PAPPA2: variants seen among roughly 807,000 people sequenced by gnomAD.
PAPPA2 encodes pappalysin 2.
PAPPA2 carries 86 observed loss-of-function variants against 176.4 expected under a neutral mutation model. The observed-to-expected ratio is 0.49, with a 90% CI of 0.41 to 0.58. PAPPA2 has a LOEUF of 0.58. PAPPA2 is among the 20% of genes least tolerant of loss of function. The probability of loss-of-function intolerance (pLI) is 0.00; values close to 1 mark genes in which losing one functional copy is unlikely to be tolerated. For missense variants in PAPPA2, 2,073 were observed against 2,256.9 expected (o/e 0.92, Z 1.65); for synonymous variants, 809 against 852.2 (o/e 0.95, Z 0.88).
rs138253159 is a variant in PAPPA2, at chr1:176,490,844, G to A, written c.-917+27426G>A. On this transcript the variant is annotated intron_variant, in intron 1 of 22. Coordinates refer to ENST00000367662, the MANE Select transcript of PAPPA2 (RefSeq NM_020318.3). ...GTGGTAGGAGCCCACAGTCTAGCTC[G>A]ATCTCAGGTTCCCAACGCCCCAAAT... Among the ~76,000 whole-genome samples the A allele has an allele frequency of 4.0e-3, 612 of 152,234 alleles. 5 individuals carry two copies. The highest frequency in any genetic ancestry group is 0.014 in the African/African-American group (583 of 41,548).
In PAPPA2 at chr1:176,584,667, T is replaced by G. The variant is rs374766579; in HGVS notation, c.920-9857T>G. ...TTTTGTATATTCTTTATTTCTTACT[T>G]TCTCTCTTTTTGTTTATTTTTTATG... is the stretch of plus-strand genomic sequence containing the variant. On this transcript the variant is annotated intron_variant, in intron 2 of 22. Coordinates refer to ENST00000367662, the MANE Select transcript of PAPPA2 (RefSeq NM_020318.3). Among the ~76,000 whole-genome samples the G allele has an allele frequency of 1.1e-3, 123 of 110,004 alleles. No individual in the cohort carries two copies. In the South Asian group the frequency reaches 0.019, roughly 17 times the overall value. 72.2% of individuals were successfully genotyped at this position (110,004 alleles called of 152,430 possible).
At chr1:176,787,550 T>C (rs781156094) in intron 17 of PAPPA2, among the ~76,000 whole-genome samples, 4 of 152,188 alleles carry the variant, frequency 2.6e-5, no homozygotes, top group Admixed American at 6.5e-5. Context: ...ATTAGATTTC[T>C]ATTGCAAAAT....
At chr1:176,671,722 T>C (rs1659013244) in intron 4 of PAPPA2, among the ~76,000 whole-genome samples, 1 of 152,056 alleles carries the variant, frequency 6.6e-6, no homozygotes. Context: ...CATGGAATAC[T>C]ATGCAGCCAT....
intron 1 of PAPPA2, among the ~76,000 whole-genome samples, chr1:176,463,862 C>T (rs1403756540): frequency 6.6e-6 from 1 of 151,928 alleles, no homozygotes. Flanking sequence ...GCTTGGCTGG[C>T]ATTAAAGGCA....
At chr1:176,493,927 A>T (rs951434309) in intron 1 of PAPPA2, among the ~76,000 whole-genome samples, 2 of 152,180 alleles carry the variant, frequency 1.3e-5, no homozygotes, top group Non-Finnish European at 2.9e-5. Context: ...TTTTTGGATT[A>T]TTGGCCTGGC....
chr1:176,724,279 A>G (rs1366014489), intron 12 of PAPPA2, among the ~76,000 whole-genome samples: 1 of 152,190 alleles, frequency 6.6e-6, no homozygotes, highest in African/African-American at 2.4e-5. Flanking sequence ...TCTAGTTCAC[A>G]GGATTTATTA....
At chr1:176,567,735 A>G (rs985436398) in intron 2 of PAPPA2, among the ~76,000 whole-genome samples, 1 of 152,220 alleles carries the variant, frequency 6.6e-6, no homozygotes, top group Admixed American at 6.5e-5. Context: ...AGATTATTAC[A>G]GCCTGGCTAC....
At chr1:176,739,593 T>C (rs779441571) in intron 12 of PAPPA2, 33 bp from the exon 13 acceptor site, 7 of 1,593,874 alleles carry the variant, frequency 4.4e-6, no homozygotes, top group East Asian at 2.2e-5. Context: ...TCAATGGAAA[T>C]AATGACTTAT....
chr1:176,693,823 G>C (rs1180115103), intron 6 of PAPPA2, among the ~76,000 whole-genome samples: 2 of 152,200 alleles, frequency 1.3e-5, no homozygotes, highest in Non-Finnish European at 2.9e-5. Flanking sequence ...ACCTTGTGCA[G>C]CTTTGGTCGA....
chr1:176,492,111 G>A (rs961507709), intron 1 of PAPPA2, among the ~76,000 whole-genome samples: 1 of 152,274 alleles, frequency 6.6e-6, no homozygotes, highest in African/African-American at 2.4e-5. Context: ...ATTTGCCAAT[G>A]ACAAACATCC....
At chr1:176,747,537 G>C (rs1220673715) in intron 14 of PAPPA2, among the ~76,000 whole-genome samples, 1 of 151,984 alleles carries the variant, frequency 6.6e-6, no homozygotes, top group African/African-American at 2.4e-5. Context: ...GTTTCTTAGA[G>C]AAGAAAAAAA....
At chr1:176,732,270 G>C (rs762721511) in intron 12 of PAPPA2, among the ~76,000 whole-genome samples, 6 of 152,112 alleles carry the variant, frequency 3.9e-5, no homozygotes, top group Non-Finnish European at 7.4e-5. Context: ...TTTATAAAAG[G>C]AGCAACAAAT....
At chr1:176,570,227 C>T (rs1652242026) in intron 2 of PAPPA2, among the ~76,000 whole-genome samples, 1 of 152,198 alleles carries the variant, frequency 6.6e-6, no homozygotes, top group African/African-American at 2.4e-5. Flanking sequence ...TGCTTCCGTT[C>T]CAAGTCTCTC....
In PAPPA2 at chr1:176,633,746, GA is replaced by G. The variant is rs533749089; in HGVS notation, c.1992-37217del. ...ATCTACAAAGAACTCAAATTTACAA[GA>G]AAAAAACAAACAACCCCATCAAAAA... On this transcript the variant is annotated intron_variant, in intron 3 of 22. Coordinates refer to ENST00000367662, the MANE Select transcript of PAPPA2 (RefSeq NM_020318.3). 3.3e-3 allele frequency among the ~76,000 whole-genome samples: 491 copies of G among 150,920 alleles called. 4 individuals are homozygous for G. The highest frequency in any genetic ancestry group is 0.011 in the African/African-American group (452 of 40,412).
At chr1:176,788,710 G>T (rs1420923840) in intron 17 of PAPPA2, among the ~76,000 whole-genome samples, 1 of 152,072 alleles carries the variant, frequency 6.6e-6, no homozygotes, top group Non-Finnish European at 1.5e-5. Context: ...ACCATGTCTG[G>T]GCATGAGAAG....
intron 14 of PAPPA2, 122 bp downstream of exon 14, chr1:176,740,318 A>G: frequency 9.8e-7 from 1 of 1,018,136 alleles, no homozygotes. Flanking sequence ...GAATTTAGGA[A>G]CTACTAAAAA....
At chr1:176,623,621 TCCTTTTTTACTTTC>T (rs1655743739) in intron 3 of PAPPA2, among the ~76,000 whole-genome samples, 1 of 132,998 alleles carries the variant, frequency 7.5e-6, no homozygotes, top group Non-Finnish European at 1.7e-5. Flanking sequence ...CTTCCTTCCT[TCCTTTTTTACTTTC>T]TTTCTTTCTT....
chr1:176,780,931 A>G (rs1664683516), intron 17 of PAPPA2, among the ~76,000 whole-genome samples: 1 of 152,102 alleles, frequency 6.6e-6, no homozygotes, highest in Admixed American at 6.5e-5. Flanking sequence ...GCTAATAGCT[A>G]TTGTATACAT....
chr1:176,710,085 A>T lies in PAPPA2; in HGVS notation c.3560A>T (p.Tyr1187Phe). The change falls in exon 11 of 23, where the codon TAC becomes TTC. Residue 1187 changes from tyrosine (Y) to phenylalanine (F), a missense_variant. Tyr to Phe is a conservative substitution (Grantham distance 22). This residue lies in a region of PAPPA2 where 846 missense variants were observed against 857.9 expected (regional missense o/e 0.99). Coordinates refer to ENST00000367662, the MANE Select transcript of PAPPA2 (RefSeq NM_020318.3). Reference sequence around the variant, plus strand: ...TGTGGCATCTACACTCCCAAAGGATACTTGGATCAATGGGCTACCCGGGCT... The same window carrying T: ...TGTGGCATCTACACTCCCAAAGGATTCTTGGATCAATGGGCTACCCGGGCT... ...VDCGIYTPKG[Y>F]LDQWATRAYS... The T allele has an allele frequency of 6.2e-7, 1 of 1,613,880 alleles. No individual in the cohort carries two copies. Among genetic ancestry groups the T allele is most frequent in the Non-Finnish European group, 8.5e-7 (1 of 1,179,796 alleles).
Sources: gnomAD v4.1 joint callset for allele counts (sites outside exome capture counted in the v4.1 genomes callset) on GRCh38, gnomAD v4.1.1 for gene constraint, gnomAD v4.1.1 regional missense constraint, MANE v1.5 for transcripts, NCBI Gene and HGNC (gene_info 2026-07-23, HGNC 2026-07-21) for gene names.